The following KIAA1671 variants were observed in gnomAD, a reference collection of about 807,000 sequenced individuals.
KIAA1671 encodes KIAA1671.
Under a neutral mutation model 131.2 loss-of-function variants are expected in KIAA1671, and 52 were observed. That is an observed-to-expected ratio of 0.40 (90% CI 0.32 to 0.50). KIAA1671 has a LOEUF of 0.50. KIAA1671 is among the 20% of genes least tolerant of loss of function. KIAA1671 has a pLI of 0.73. For synonymous variants in KIAA1671, 1,003 were observed against 961.6 expected, an observed-to-expected ratio of 1.04 and a Z score of -0.80; for missense variants, 2,360 against 2,364.2, an observed-to-expected ratio of 1.00 and a Z score of 0.04.
intron 6 of KIAA1671, among the ~76,000 whole-genome samples, chr22:25,161,698 T>C (rs560704863): frequency 6.6e-6 from 1 of 152,106 alleles, no homozygotes; most frequent in Non-Finnish European, 1.5e-5. Flanking sequence ...CAGCTGGGCG[T>C]GCAGGGTGGA....
intron 6 of KIAA1671, chr22:25,053,981 G>A (rs2145825838): frequency 6.7e-6 from 1 of 150,110 alleles, no homozygotes; most frequent in South Asian, 2.1e-4. Flanking sequence ...CTGAGCTCAG[G>A]AGTTCGAGAC....
intron 6 of KIAA1671, chr22:25,070,562 G>T (rs890538125): frequency 2.5e-6 from 1 of 398,958 alleles, no homozygotes; most frequent in South Asian, 1.3e-4. Flanking sequence ...ACAAGGAAGA[G>T]AGAATGTTGG....
chr22:25,089,126 T>C (rs1929886983), intron 6 of KIAA1671, among the ~76,000 whole-genome samples: 1 of 152,114 alleles, frequency 6.6e-6, no homozygotes, highest in South Asian at 2.1e-4. Flanking sequence ...TTAATGTGTG[T>C]AGGAGGATGT....
intron 6 of KIAA1671, among the ~76,000 whole-genome samples, chr22:25,117,171 C>T (rs952213174): frequency 1.3e-5 from 2 of 152,198 alleles, no homozygotes; most frequent in Middle Eastern, 3.4e-3. Flanking sequence ...AGAACACTGT[C>T]GTATATAATG....
chr22:25,103,336 G>A (rs1013801581), intron 6 of KIAA1671, among the ~76,000 whole-genome samples: 22 of 149,928 alleles, frequency 1.5e-4, no homozygotes, highest in African/African-American at 3.4e-4. Context: ...TCAGCCTCCC[G>A]GGTAGCTGGG....
intron 4 of KIAA1671, among the ~76,000 whole-genome samples, chr22:25,036,428 T>C (rs1377160266): frequency 6.6e-6 from 1 of 152,126 alleles, no homozygotes; most frequent in African/African-American, 2.4e-5. Flanking sequence ...ATAAAATATA[T>C]CATTTTAACT....
chr22:25,060,662 G>A (rs1478510895), intron 6 of KIAA1671: 2 of 152,232 alleles, frequency 1.3e-5, no homozygotes, highest in East Asian at 3.8e-4. Context: ...ACTTGGCCCA[G>A]GCTTCGACAC....
At chr22:25,137,831 A>C (rs1000943413) in intron 6 of KIAA1671, among the ~76,000 whole-genome samples, 3 of 152,236 alleles carry the variant, frequency 2.0e-5, no homozygotes, top group Non-Finnish European at 4.4e-5. Context: ...TCCAGTAAGT[A>C]AACAGTTTAC....
At chr22:25,141,362 AGCTGGGACTACAGGC>A (rs1392525831) in intron 6 of KIAA1671, among the ~76,000 whole-genome samples, 2 of 151,768 alleles carry the variant, frequency 1.3e-5, no homozygotes. Context: ...CCTCCTGAGT[AGCTGGGACTACAGGC>A]GCCTGCCACC....
chr22:25,068,977 AGCTGTCTTGCATCCGGC>A (rs1271775854), intron 6 of KIAA1671, among the ~76,000 whole-genome samples: 1 of 151,576 alleles, frequency 6.6e-6, no homozygotes, highest in Non-Finnish European at 1.5e-5. Flanking sequence ...TCAGAAGCAC[AGCTGTCTTGCATCCGGC>A]GCTCACTTGC....
chr22:24,964,132 C>T (rs535493264), intron 1 of KIAA1671, among the ~76,000 whole-genome samples: 21 of 152,120 alleles, frequency 1.4e-4, no homozygotes, highest in African/African-American at 4.8e-4. Flanking sequence ...ATTTTGAGAC[C>T]AGCCTGGCCA....
At chr22:25,132,674 C>A (rs7291005) in intron 6 of KIAA1671, among the ~76,000 whole-genome samples, 18,073 of 152,134 alleles carry the variant, frequency 0.12, 1,136 homozygotes, top group Non-Finnish European at 0.15. Context: ...GCTGTTCCCA[C>A]CTTGTCTCTC....
intron 10 of KIAA1671, among the ~76,000 whole-genome samples, chr22:25,183,384 C>A (rs1411035975): frequency 6.6e-6 from 1 of 152,048 alleles, no homozygotes; most frequent in Non-Finnish European, 1.5e-5. Context: ...GTGTGAACAT[C>A]TTTCAGTCAC....
chr22:24,994,444 C>G (rs1035918886), intron 1 of KIAA1671, among the ~76,000 whole-genome samples: 7 of 152,152 alleles, frequency 4.6e-5, no homozygotes, highest in African/African-American at 1.7e-4. Context: ...ATTAAATTAT[C>G]CGACTTGAGT....
At chr22:25,091,690 C>T (rs979217723) in intron 6 of KIAA1671, among the ~76,000 whole-genome samples, 1 of 152,170 alleles carries the variant, frequency 6.6e-6, no homozygotes, top group Non-Finnish European at 1.5e-5. Flanking sequence ...TTCTCACATG[C>T]GTTCTTCCTT....
intron 6 of KIAA1671, among the ~76,000 whole-genome samples, chr22:25,121,136 G>A (rs1931920275): frequency 6.6e-6 from 1 of 152,168 alleles, no homozygotes; most frequent in Admixed American, 6.5e-5. Flanking sequence ...CGCATCACAG[G>A]GAGTGTTACG....
chr22:25,131,162 A>G (rs2145944771), intron 6 of KIAA1671, among the ~76,000 whole-genome samples: 1 of 152,246 alleles, frequency 6.6e-6, no homozygotes, highest in Non-Finnish European at 1.5e-5. Context: ...AGCATTTCGT[A>G]TGGTGATTTC....
rs1459057063 is a variant in KIAA1671 at position 25,029,325 on chromosome 22, C to G, written c.1326C>G (p.Ser442Arg). The G allele has an allele frequency of 1.2e-5, 18 of 1,545,030 alleles. No individual in the cohort carries two copies. The highest frequency in any genetic ancestry group is 1.4e-5 in the Non-Finnish European group (16 of 1,143,282). Residue 442 changes from serine to arginine, a missense_variant, in exon 3 of 13, where the codon AGC (serine) becomes AGG (arginine). Ser to Arg is a moderately radical substitution (Grantham distance 110, BLOSUM62 -1). Around this residue, in one of 3 missense-constraint regions of KIAA1671, gnomAD observed 1,185 missense variants for 1,126.2 expected, o/e 1.05. Transcript: ENST00000358431. ...ASRRSVRKCISLFREDSTLAL... is the reference protein window; with the variant it reads ...ASRRSVRKCIRLFREDSTLAL... ...GGAGGAGTGTCAGGAAGTGCATCAG[C>G]CTGTTTCGGGAGGACAGCACCTTGG...
At chr22:25,109,190 ACCTCTG>A (rs1478840475) in intron 6 of KIAA1671, among the ~76,000 whole-genome samples, 3 of 151,068 alleles carry the variant, frequency 2.0e-5, no homozygotes, top group African/African-American at 7.3e-5. Flanking sequence ...GCTCACTGCA[ACCTCTG>A]CCTCTCGGGT....
Sources: gnomAD v4.1 joint callset for allele counts (sites outside exome capture counted in the v4.1 genomes callset) on GRCh38, gnomAD v4.1.1 for gene constraint, gnomAD v4.1.1 regional missense constraint, MANE v1.5 for transcripts, NCBI Gene and HGNC (gene_info 2026-07-23, HGNC 2026-07-21) for gene names.